Variants in PPP2R3B observed in about 807,000 individuals in gnomAD.
PPP2R3B encodes protein phosphatase 2 regulatory subunit B''beta.
Under a neutral mutation model 72.9 loss-of-function variants are expected in PPP2R3B, and 68 were observed. The observed-to-expected ratio is 0.93, with a 90% CI of 0.77 to 1.14. PPP2R3B has a LOEUF of 1.14. Among genes scored for constraint, PPP2R3B ranks in the 50% most tolerant of loss-of-function variants. The pLI, the probability that PPP2R3B is intolerant of heterozygous loss-of-function variation, is 0.00. For missense variants in PPP2R3B, 1,018 were observed against 842.0 expected, an observed-to-expected ratio of 1.21 and a Z score of -2.59; for synonymous variants, 466 against 375.8, an observed-to-expected ratio of 1.24 and a Z score of -2.78.
At chrX:370,070 T>G (rs2071824271) in intron 1 of PPP2R3B, among the ~76,000 whole-genome samples, 1 of 152,136 alleles carries the variant, frequency 6.6e-6, no homozygotes, top group Non-Finnish European at 1.5e-5. Flanking sequence ...CTGAGAGGGC[T>G]GGTAGAGGGC....
At chrX:354,974 C>A (rs1396166031) in intron 2 of PPP2R3B, among the ~76,000 whole-genome samples, 1 of 152,220 alleles carries the variant, frequency 6.6e-6, no homozygotes, top group Admixed American at 6.5e-5. Flanking sequence ...CGGGAAGGGG[C>A]GTGCTCTCCA....
chrX:347,664 C>G lies in PPP2R3B; in HGVS notation c.540G>C (p.Gly180=), dbSNP rs750394466. Residue 180 remains glycine (G), a synonymous_variant, in exon 3 of 13, where the codon GGG becomes GGC. Coordinates refer to ENST00000390665, the MANE Select transcript of PPP2R3B (RefSeq NM_013239.5). The stretch of plus-strand genomic sequence containing the variant: ...CCCCGCCGGCGCCATAGAAGAGCGG[C>G]CCCTTCCAGTAGAGGGGGCAGCCGC... ...KACGCPLYWK[G]PLFYGAGGER... The G allele has an allele frequency of 4.5e-6, 7 of 1,559,128 alleles. No individual in the cohort carries two copies. The highest frequency in any genetic ancestry group is 6.1e-6 in the Non-Finnish European group (7 of 1,153,404).
intron 12 of PPP2R3B, 182 bp from the exon 13 acceptor site, chrX:334,699 G>A (rs1425467096): frequency 1.1e-5 from 8 of 704,384 alleles, no homozygotes; most frequent in African/African-American, 1.9e-5. Context: ...CTCCACGAAT[G>A]CTCCCGGGGG....
At chrX:347,479 G>C in intron 3 of PPP2R3B, 111 bp downstream of exon 3, 1 of 1,369,430 alleles carries the variant, frequency 7.3e-7, no homozygotes, top group African/African-American at 1.4e-5. Context: ...GCCCGTACAA[G>C]GGTTTCTCCT....
At position 347,575 on chromosome X, in the gene PPP2R3B, C is replaced by T. The variant is rs199623550; in HGVS notation, c.614+15G>A. 47 of 1,563,836 alleles carry T rather than the reference C, an allele frequency of 3.0e-5. No individual in the cohort carries two copies. The highest frequency in any genetic ancestry group is 2.1e-4 in the East Asian group (9 of 42,354). ...CGCCCTCCCGACACAGCCCCCTGCCCAGCCCAGGACTCACTTTCTCCACAT... is the reference window on the plus strand; with the variant it reads ...CGCCCTCCCGACACAGCCCCCTGCCTAGCCCAGGACTCACTTTCTCCACAT... On this transcript the variant is annotated intron_variant, in intron 3 of 12. Transcript: ENST00000390665.
intron 1 of PPP2R3B, chrX:373,616 C>A: frequency 3.4e-6 from 1 of 296,306 alleles, no homozygotes; most frequent in Non-Finnish European, 7.2e-6. Flanking sequence ...GCTCCTGGCG[C>A]AGGTCGGGGT....
chrX:345,644 T>C lies in PPP2R3B; in HGVS notation c.908A>G (p.Asp303Gly). 6.2e-7 allele frequency: 1 copy of C among 1,612,920 alleles called. No homozygotes were observed. The highest frequency in any genetic ancestry group is 8.5e-7 in the Non-Finnish European group (1 of 1,179,476). ...GAAGAATTCGGTCAGCTGGTTGATG[T>C]CCGCCTCCTCCTCCAGCAGCGCCAC... The part of the protein sequence containing the change: ...QNVALLEEEA[D>G]INQLTEFFSY... The change falls in exon 7 of 13, where the codon GAC becomes GGC. Residue 303 changes from aspartate (D) to glycine (G), a missense_variant. By Grantham distance (94) the Asp-to-Gly change is moderately conservative. Coordinates refer to ENST00000390665, the MANE Select transcript of PPP2R3B (RefSeq NM_013239.5).
intron 5 of PPP2R3B, 102 bp from the exon 6 acceptor site, chrX:346,362 C>CCGCA (rs2071212990): frequency 3.5e-6 from 4 of 1,134,190 alleles, no homozygotes; most frequent in East Asian, 2.6e-5. Context: ...TTGGTCTCAG[C>CCGCA]CGCACGGGGC....
At chrX:363,803 C>G (rs1198725512) in intron 1 of PPP2R3B, among the ~76,000 whole-genome samples, 2 of 152,262 alleles carry the variant, frequency 1.3e-5, no homozygotes, top group African/African-American at 4.8e-5. Context: ...CTTCATCACG[C>G]TGGGTTCACA....
Position 386,743 on chromosome X carries a change from C to CG in PPP2R3B, c.-53dup. The CG allele has an allele frequency of 3.5e-6, 4 of 1,153,184 alleles. No homozygotes were observed. Among genetic ancestry groups the CG allele is most frequent in the Non-Finnish European group, 4.3e-6 (4 of 929,704 alleles). The allele number at this position is 1,153,184 out of a possible 1,614,324, so 71.4% of individuals were successfully genotyped here. A position where few individuals can be genotyped will look rare whatever the true frequency, so the allele number is the denominator to read the frequency against. On this transcript the variant is annotated 5_prime_UTR_variant, in exon 1 of 13. Transcript: ENST00000390665. ...CGGACGCCCGCGCCCCGCCCCGCCC[C>CG]GGGGGCTTCGGTCCGCCCCGGACCG... is the stretch of plus-strand genomic sequence containing the variant.
chrX:368,000 G>T (rs2071760199), intron 1 of PPP2R3B, among the ~76,000 whole-genome samples: 1 of 152,246 alleles, frequency 6.6e-6, no homozygotes, highest in Non-Finnish European at 1.5e-5. Context: ...AAGACAGGCT[G>T]ATGCTAACTT....
intron 2 of PPP2R3B, among the ~76,000 whole-genome samples, chrX:353,837 C>CG (rs1445088168): frequency 1.5e-5 from 2 of 129,330 alleles, no homozygotes; most frequent in Admixed American, 8.3e-5. Context: ...GCCCAAAGAC[C>CG]GGGGCTCGCC....
rs1284881873 is a variant in PPP2R3B at position 344,994 on chromosome X, T to G, written c.1036+522A>C. ...CCCACAGGCCACAGGCCGCTTTGAGTTCCTGCAAGTGTGGATGACTCTTAG... is the reference window on the plus strand; with the variant it reads ...CCCACAGGCCACAGGCCGCTTTGAGGTCCTGCAAGTGTGGATGACTCTTAG... On this transcript the variant is annotated intron_variant, in intron 7 of 12. Coordinates refer to ENST00000390665, the MANE Select transcript of PPP2R3B (RefSeq NM_013239.5). The G allele has an allele frequency of 8.5e-6, 3 of 353,086 alleles. No homozygotes were observed. In the Admixed American group the frequency reaches 1.1e-4, roughly 13 times the overall value. 21.9% of individuals were successfully genotyped at this position (353,086 alleles called of 1,614,324 possible).
chrX:363,292 G>GCAGTGCATCTCCCCGAGCCCACCATCCCA lies in PPP2R3B; in HGVS notation c.325-1731_325-1703dup, dbSNP rs1206339563. 5.7e-4 allele frequency among the ~76,000 whole-genome samples: 3 copies of GCAGTGCATCTCCCCGAGCCCACCATCCCA among 5,282 alleles called. 1 individual carries two copies. Among genetic ancestry groups the GCAGTGCATCTCCCCGAGCCCACCATCCCA allele is most frequent in the Admixed American group, 4.3e-3 (2 of 460 alleles). 3.5% of individuals were successfully genotyped at this position (5,282 alleles called of 152,430 possible). A position where few individuals can be genotyped will look rare whatever the true frequency, so the allele number is the denominator to read the frequency against. ...TGCATCTCCCCGAGCCCACGATCCC[G>GCAGTGCATCTCCCCGAGCCCACCATCCCA]CAGTGCATCTCCCCGAGCCCACCAT... is the stretch of plus-strand genomic sequence containing the variant. On this transcript the variant is annotated intron_variant, in intron 1 of 12. Transcript: ENST00000390665.
At position 355,965 on chromosome X, in the gene PPP2R3B, G is replaced by A. The variant is rs2071426308; in HGVS notation, c.510+5440C>T. On this transcript the variant is annotated intron_variant, in intron 2 of 12. Transcript: ENST00000390665. ...GCTCATTGAATTGTACCTTCCACACGCACCATGCATCCCACATCAGTTATA... is the reference window on the plus strand; with the variant it reads ...GCTCATTGAATTGTACCTTCCACACACACCATGCATCCCACATCAGTTATA... Among the ~76,000 whole-genome samples the A allele has an allele frequency of 2.6e-5, 4 of 152,268 alleles. No individual in the cohort carries two copies. In the Middle Eastern group the frequency reaches 0.014, roughly 518 times the overall value.
chrX:360,621 G>GT (rs1329288859), intron 2 of PPP2R3B, among the ~76,000 whole-genome samples: 1 of 152,218 alleles, frequency 6.6e-6, no homozygotes, highest in African/African-American at 2.4e-5. Flanking sequence ...GGGGGCAGGG[G>GT]TCTCACCGTG....
At chrX:337,800 C>CGACGCT (rs1569373733) in intron 12 of PPP2R3B, 4 of 152,214 alleles carry the variant, frequency 2.6e-5, no homozygotes, top group Non-Finnish European at 5.9e-5. Flanking sequence ...GTCACGACGC[C>CGACGCT]GAGGCAACGC....
intron 1 of PPP2R3B, among the ~76,000 whole-genome samples, chrX:383,735 G>T (rs905729119): frequency 8.0e-5 from 12 of 150,102 alleles, no homozygotes; most frequent in Non-Finnish European, 1.6e-4. Flanking sequence ...CTACTTGGGA[G>T]GCTGAGGCAG....
intron 3 of PPP2R3B, 78 bp downstream of exon 3, chrX:347,512 G>A: frequency 2.7e-6 from 4 of 1,460,814 alleles, no homozygotes; most frequent in South Asian, 1.2e-5. Flanking sequence ...GCCTCAGGGG[G>A]CACCCGTCCT....
Sources: allele counts gnomAD v4.1 joint callset (sites outside exome capture counted in the v4.1 genomes callset), GRCh38; gene constraint gnomAD v4.1.1; transcripts MANE v1.5; gene names NCBI Gene and HGNC (gene_info 2026-07-23, HGNC 2026-07-21).